RALY: variants seen among roughly 807,000 people sequenced by gnomAD.
RALY encodes the protein RNA-binding protein Raly.
In RALY, 15 loss-of-function variants were observed where a neutral mutation model predicts 30.7. The observed-to-expected ratio is 0.49, with a 90% CI of 0.33 to 0.75. The LOEUF is 0.75. Among genes scored for constraint, RALY ranks in the 30% least tolerant of loss-of-function variants. The pLI is 0.02. For missense variants in RALY, 339 were observed against 414.3 expected (o/e 0.82, Z 1.58); for synonymous variants, 177 against 170.8 (o/e 1.04, Z -0.28).
intron 2 of RALY, among the ~76,000 whole-genome samples, chr20:34,069,877 G>A (rs2033677992): frequency 1.3e-5 from 2 of 152,244 alleles, no homozygotes; most frequent in Admixed American, 6.5e-5. Flanking sequence ...GCAGTGATGG[G>A]ACCCTCTCAG....
At chr20:34,011,259 G>T (rs553229231) in intron 1 of RALY, among the ~76,000 whole-genome samples, 95 of 152,142 alleles carry the variant, frequency 6.2e-4, no homozygotes, top group African/African-American at 2.2e-3. Context: ...CATCAAATAA[G>T]TTACAGGATT....
At chr20:34,047,616 C>A (rs2032927542) in intron 2 of RALY, among the ~76,000 whole-genome samples, 7 of 152,178 alleles carry the variant, frequency 4.6e-5, no homozygotes, top group Admixed American at 4.6e-4. Flanking sequence ...GTCGCACAGA[C>A]CTGAGTTCAA....
At chr20:34,051,807 G>A (rs1376474590) in intron 2 of RALY, among the ~76,000 whole-genome samples, 6 of 152,092 alleles carry the variant, frequency 3.9e-5, no homozygotes, top group Non-Finnish European at 5.9e-5. Context: ...GGTTTTCACC[G>A]TGTTTGCCAG....
At chr20:34,076,300 A>G (rs142216846) in intron 6 of RALY, 2 of 556,398 alleles carry the variant, frequency 3.6e-6, no homozygotes, top group Admixed American at 3.1e-5. Context: ...TCTAGTAAGG[A>G]TAAGGACAGG....
At chr20:34,066,204 G>A (rs891214757) in intron 2 of RALY, among the ~76,000 whole-genome samples, 1 of 150,290 alleles carries the variant, frequency 6.7e-6, no homozygotes, top group African/African-American at 2.5e-5. Flanking sequence ...ATAAAATGGG[G>A]CGGGATGGGT....
At chr20:34,041,098 A>G (rs1331224648) in intron 2 of RALY, among the ~76,000 whole-genome samples, 2 of 152,204 alleles carry the variant, frequency 1.3e-5, no homozygotes, top group Non-Finnish European at 2.9e-5. Context: ...CTATGTTTCC[A>G]TCGTGATCAT....
At chr20:34,061,059 T>C (rs972712042) in intron 2 of RALY, among the ~76,000 whole-genome samples, 1 of 152,142 alleles carries the variant, frequency 6.6e-6, no homozygotes, top group Non-Finnish European at 1.5e-5. Context: ...AGACAGAAAA[T>C]GAGAAAACCT....
At chr20:34,057,602 G>A (rs574310702) in intron 2 of RALY, among the ~76,000 whole-genome samples, 3 of 147,188 alleles carry the variant, frequency 2.0e-5, no homozygotes, top group East Asian at 4.3e-4. Context: ...GGGAGGCGGA[G>A]CTTACAGTGA....
chr20:34,008,815 C>A (rs531223742), intron 1 of RALY, among the ~76,000 whole-genome samples: 13 of 152,272 alleles, frequency 8.5e-5, no homozygotes, highest in African/African-American at 2.4e-4. Context: ...CATGCCACTA[C>A]ACCCAAGTGT....
intron 2 of RALY, among the ~76,000 whole-genome samples, chr20:34,056,289 A>G (rs1043478647): frequency 6.6e-6 from 1 of 152,208 alleles, no homozygotes; most frequent in Non-Finnish European, 1.5e-5. Flanking sequence ...GTGTGGGTTA[A>G]CTTCAACTCA....
chr20:34,042,888 G>A (rs1215446412), intron 2 of RALY, among the ~76,000 whole-genome samples: 1 of 152,174 alleles, frequency 6.6e-6, no homozygotes, highest in Non-Finnish European at 1.5e-5. Flanking sequence ...AGATGACTTA[G>A]TTCATAGTAA....
At chr20:34,015,909 C>T (rs891136005) in intron 1 of RALY, among the ~76,000 whole-genome samples, 3 of 152,124 alleles carry the variant, frequency 2.0e-5, no homozygotes, top group African/African-American at 7.2e-5. Context: ...CAAAGTATCT[C>T]CCTTACACTT....
intron 2 of RALY, among the ~76,000 whole-genome samples, chr20:34,040,053 G>A (rs1478060657): frequency 6.6e-6 from 1 of 152,006 alleles, no homozygotes; most frequent in African/African-American, 2.4e-5. Flanking sequence ...GGAGGTTGCA[G>A]TGAGCAGAGA....
chr20:34,075,705 G>C (rs541378680), intron 5 of RALY, among the ~76,000 whole-genome samples, 169 bp from the exon 6 acceptor site: 1 of 152,242 alleles, frequency 6.6e-6, no homozygotes, highest in East Asian at 1.9e-4. Flanking sequence ...CAGCCATCAG[G>C]GTCCGGCAAG....
At chr20:34,061,193 C>G (rs937742965) in intron 2 of RALY, among the ~76,000 whole-genome samples, 3 of 152,170 alleles carry the variant, frequency 2.0e-5, no homozygotes, top group Non-Finnish European at 4.4e-5. Flanking sequence ...TTCCAGCCCC[C>G]CATTAAGCCT....
intron 6 of RALY, 86 bp downstream of exon 6, chr20:34,076,126 G>T: frequency 6.8e-7 from 1 of 1,460,134 alleles, no homozygotes; most frequent in Admixed American, 2.0e-5. Flanking sequence ...TTGGAACATA[G>T]ATAAAACAAC....
chr20:34,039,198 T>C (rs1320827449), intron 2 of RALY, among the ~76,000 whole-genome samples: 1 of 152,238 alleles, frequency 6.6e-6, no homozygotes, highest in African/African-American at 2.4e-5. Context: ...AAAAAGCCGC[T>C]ATCTATAGTA....
At chr20:34,035,560 C>T (rs1044298513) in intron 2 of RALY, among the ~76,000 whole-genome samples, 1 of 152,154 alleles carries the variant, frequency 6.6e-6, no homozygotes, top group Admixed American at 6.5e-5. Context: ...TCTTTCCCCA[C>T]GACCTAAAAC....
intron 2 of RALY, among the ~76,000 whole-genome samples, chr20:34,057,103 T>C (rs1204819539): frequency 1.3e-5 from 2 of 152,176 alleles, no homozygotes; most frequent in Admixed American, 1.3e-4. Flanking sequence ...TACCGAAAAC[T>C]ATGCGGCAGT....
Sources: allele counts gnomAD v4.1 joint callset (sites outside exome capture counted in the v4.1 genomes callset), GRCh38; gene constraint gnomAD v4.1.1; transcripts MANE v1.5; gene names NCBI Gene and HGNC (gene_info 2026-07-23, HGNC 2026-07-21).